Variants in UNC5D observed in about 807,000 individuals in gnomAD.
UNC5D encodes the protein netrin receptor UNC5D.
A neutral mutation model predicts 105.4 loss-of-function variants in UNC5D; 39 were observed. The observed-to-expected ratio is 0.37, with a 90% confidence interval of 0.29 to 0.48. UNC5D has a LOEUF of 0.48. Ranked by LOEUF, UNC5D falls within the 20% of genes least tolerant of loss-of-function variation. UNC5D has a pLI of 0.98. For synonymous variants in UNC5D, 452 were observed against 450.4 expected, an observed-to-expected ratio of 1.00 and a Z score of -0.04; for missense variants, 991 against 1,202.4, an observed-to-expected ratio of 0.82 and a Z score of 2.60.
At chr8:35,445,447 A>C (rs891640056) in intron 1 of UNC5D, among the ~76,000 whole-genome samples, 1 of 152,104 alleles carries the variant, frequency 6.6e-6, no homozygotes, top group Non-Finnish European at 1.5e-5. Flanking sequence ...CTATGTCATA[A>C]GTGTGCTTCT....
At chr8:35,349,432 C>G (rs1459508478) in intron 1 of UNC5D, among the ~76,000 whole-genome samples, 1 of 151,226 alleles carries the variant, frequency 6.6e-6, no homozygotes, top group Non-Finnish European at 1.5e-5. Flanking sequence ...AAACCATTTT[C>G]ATTACTATTG....
At chr8:35,457,911 CAATCCCA>C (rs1808604712) in intron 1 of UNC5D, among the ~76,000 whole-genome samples, 1 of 152,154 alleles carries the variant, frequency 6.6e-6, no homozygotes, top group South Asian at 2.1e-4. Context: ...AATTTCTACA[CAATCCCA>C]AATGATCCAA....
chr8:35,272,685 G>A (rs1805497939), intron 1 of UNC5D, among the ~76,000 whole-genome samples: 1 of 152,106 alleles, frequency 6.6e-6, no homozygotes, highest in South Asian at 2.1e-4. Context: ...TGGACTCAGG[G>A]GTGCTGTAGG....
intron 1 of UNC5D, among the ~76,000 whole-genome samples, chr8:35,237,716 A>G (rs533607417): frequency 6.6e-6 from 1 of 152,340 alleles, no homozygotes; most frequent in South Asian, 2.1e-4. Flanking sequence ...TGCAAGACAC[A>G]TGGAGTGGAG....
intron 1 of UNC5D, among the ~76,000 whole-genome samples, chr8:35,259,748 T>A (rs1804320457): frequency 7.2e-6 from 1 of 139,382 alleles, no homozygotes; most frequent in South Asian, 2.3e-4. Context: ...CTGACTGATC[T>A]TTTTTTTTTT....
At chr8:35,328,909 ATG>A (rs1810386758) in intron 1 of UNC5D, among the ~76,000 whole-genome samples, 1 of 151,910 alleles carries the variant, frequency 6.6e-6, no homozygotes, top group Non-Finnish European at 1.5e-5. Flanking sequence ...TACTCTTGTG[ATG>A]TGTCTTTTTC....
At chr8:35,667,085 C>T (rs1015838204) in intron 4 of UNC5D, among the ~76,000 whole-genome samples, 9 of 152,042 alleles carry the variant, frequency 5.9e-5, no homozygotes, top group Non-Finnish European at 8.8e-5. Context: ...AGTTTGTTTA[C>T]TTCTTAGAGA....
rs932679555 is a variant in UNC5D at position 35,451,778 on chromosome 8, T to C, written c.104-97514T>C. Among the ~76,000 whole-genome samples the C allele has an allele frequency of 5.3e-5, 8 of 152,310 alleles. No homozygotes were observed. In the East Asian group the frequency reaches 9.7e-4, roughly 18 times the overall value. On this transcript the variant is annotated intron_variant, in intron 1 of 16. Coordinates refer to ENST00000404895, the MANE Select transcript of UNC5D (RefSeq NM_080872.4). ...GAATGTTTCTAGCTTTATCATGTCA[T>C]GGTTATGTGCTTTCAGTCTTTCTAG...
rs970560339 is a variant in UNC5D, at chr8:35,767,048, G to T, written c.2460G>T (p.Val820=). The T allele has an allele frequency of 6.2e-7, 1 of 1,613,330 alleles. No individual in the cohort carries two copies. The highest frequency in any genetic ancestry group is 8.5e-7 in the Non-Finnish European group (1 of 1,179,650). Residue 820 remains valine (V), a synonymous_variant, in exon 15 of 17, where the codon GTG becomes GTT. Transcript: ENST00000404895. ...AAGGCCATGAACAGATCCTCCAAGT[G>T]CAGACATCAATCCTAGAGGTGAGTC... The part of the protein sequence containing the change: ...QLKGHEQILQ[V]QTSILESERE...
chr8:35,278,872 ACCT>A (rs374322054), intron 1 of UNC5D, among the ~76,000 whole-genome samples: 15 of 152,152 alleles, frequency 9.9e-5, no homozygotes, highest in East Asian at 7.7e-4. Context: ...TTTGATGAAC[ACCT>A]CCTCATTTTC....
intron 1 of UNC5D, among the ~76,000 whole-genome samples, chr8:35,522,120 C>G (rs1813527602): frequency 6.6e-6 from 1 of 152,176 alleles, no homozygotes; most frequent in Admixed American, 6.5e-5. Flanking sequence ...GCCCATCCTA[C>G]TATCTTCATA....
At chr8:35,561,242 T>G (rs1432428618) in intron 2 of UNC5D, among the ~76,000 whole-genome samples, 13 of 152,160 alleles carry the variant, frequency 8.5e-5, no homozygotes, top group Admixed American at 7.9e-4. Context: ...ACCCCAGGAC[T>G]AGGTACCAGA....
intron 3 of UNC5D, among the ~76,000 whole-genome samples, chr8:35,586,406 C>T (rs148291731): frequency 6.6e-6 from 1 of 151,900 alleles, no homozygotes; most frequent in East Asian, 1.9e-4. Context: ...TAACAGAAAG[C>T]CTTTTATGTG....
chr8:35,737,385 A>T (rs563661964), intron 11 of UNC5D, among the ~76,000 whole-genome samples: 1 of 151,738 alleles, frequency 6.6e-6, no homozygotes, highest in Non-Finnish European at 1.5e-5. Context: ...AGATTTGCTG[A>T]CTGAAGGTCA....
chr8:35,404,367 G>A (rs1804669194), intron 1 of UNC5D, among the ~76,000 whole-genome samples: 1 of 152,212 alleles, frequency 6.6e-6, no homozygotes. Flanking sequence ...AGAAGGAATA[G>A]AAGGAATAGA....
At chr8:35,424,177 G>A (rs555937394) in intron 1 of UNC5D, among the ~76,000 whole-genome samples, 2 of 151,962 alleles carry the variant, frequency 1.3e-5, no homozygotes, top group East Asian at 1.9e-4. Context: ...ACAATGTATG[G>A]GAAAGAAAAT....
chr8:35,261,533 A>G (rs1804494707), intron 1 of UNC5D, among the ~76,000 whole-genome samples: 1 of 152,070 alleles, frequency 6.6e-6, no homozygotes, highest in Non-Finnish European at 1.5e-5. Context: ...TGCTAGAGCC[A>G]GCCAGAGCTA....
chr8:35,308,315 C>T (rs1014822241), intron 1 of UNC5D, among the ~76,000 whole-genome samples: 6 of 152,010 alleles, frequency 3.9e-5, no homozygotes, highest in Non-Finnish European at 7.4e-5. Context: ...GCTACAATCT[C>T]ATCTGGGATT....
Position 35,451,409 on chromosome 8 carries a change from C to T in UNC5D, c.104-97883C>T, listed in dbSNP as rs868586060. Among the ~76,000 whole-genome samples the T allele has an allele frequency of 7.9e-5, 12 of 152,050 alleles. 1 individual carries two copies. Among genetic ancestry groups the T allele is most frequent in the African/African-American group, 2.7e-4 (11 of 41,388 alleles). The stretch of plus-strand genomic sequence containing the variant: ...TGAACACTTCATCTAATTAGCACAT[C>T]ATTAGGCATGATTTTAAGCTCTTTA... On this transcript the variant is annotated intron_variant, in intron 1 of 16. Transcript: ENST00000404895.
Sources: allele counts gnomAD v4.1 joint callset (sites outside exome capture counted in the v4.1 genomes callset), GRCh38; gene constraint gnomAD v4.1.1; transcripts MANE v1.5; gene names NCBI Gene and HGNC (gene_info 2026-07-23, HGNC 2026-07-21).